VRK3: variants seen among roughly 807,000 people sequenced by gnomAD.
VRK3 encodes VRK serine/threonine kinase 3, also known as serine/threonine-protein kinase VRK3.
A neutral mutation model predicts 60.4 loss-of-function variants in VRK3; 50 were observed. That is an observed-to-expected ratio of 0.83 (90% CI 0.66 to 1.05). The LOEUF (loss-of-function observed/expected upper bound fraction) is 1.05, where lower values mean the gene tolerates loss of function less well. VRK3 is among the 50% of genes least tolerant of loss of function. The probability of loss-of-function intolerance (pLI) is 0.00; values close to 1 mark genes in which losing one functional copy is unlikely to be tolerated. For synonymous variants in VRK3, 246 were observed against 227.8 expected (o/e 1.08, Z -0.72); for missense variants, 549 against 585.3 (o/e 0.94, Z 0.64).
chr19:50,001,495 C>T (rs1460966103), intron 5 of VRK3: 1 of 152,374 alleles, frequency 6.6e-6, no homozygotes, highest in East Asian at 1.9e-4. Flanking sequence ...ACTTTTGCTC[C>T]AGAGCCCTGC....
intron 5 of VRK3, among the ~76,000 whole-genome samples, chr19:50,005,855 A>C (rs1026714441): frequency 1.3e-5 from 2 of 149,762 alleles, no homozygotes; most frequent in Admixed American, 1.3e-4. Context: ...AGTGGCTGCC[A>C]GTGGACTGGG....
chr19:49,997,553 G>C lies in VRK3; in HGVS notation c.630C>G (p.Arg210=). Residue 210 remains arginine (R), a synonymous_variant, in exon 7 of 15, where the codon CGC becomes CGG. Coordinates refer to ENST00000316763, the MANE Select transcript of VRK3 (RefSeq NM_016440.4). ...GGAAGAAGTTCTGCTCATTGAACAA[G>C]CGCCCATCCTTGGCATCCTGGTGGG... ...FSLKLDAKDG[R]LFNEQNFFQR... 6.2e-7 allele frequency: 1 copy of C among 1,613,924 alleles called. No homozygotes were observed. The highest frequency in any genetic ancestry group is 8.5e-7 in the Non-Finnish European group (1 of 1,179,876).
At chr19:50,006,543 T>G (rs1262497460) in intron 5 of VRK3, among the ~76,000 whole-genome samples, 1 of 151,762 alleles carries the variant, frequency 6.6e-6, no homozygotes, top group Non-Finnish European at 1.5e-5. Context: ...ACCCGGCTAA[T>G]TTTTTGTATT....
chr19:49,992,216 T>C (rs2076623803), intron 10 of VRK3, among the ~76,000 whole-genome samples: 2 of 152,222 alleles, frequency 1.3e-5, no homozygotes, highest in Admixed American at 1.3e-4. Flanking sequence ...GAGGCCAGCC[T>C]GACCAACATG....
intron 10 of VRK3, among the ~76,000 whole-genome samples, chr19:49,990,855 G>A (rs1015349366): frequency 2.6e-5 from 4 of 151,864 alleles, no homozygotes; most frequent in Non-Finnish European, 4.4e-5. Context: ...TATGATCATG[G>A]CTCACTGCAG....
intron 12 of VRK3, 188 bp downstream of exon 12, chr19:49,988,184 T>C: frequency 1.3e-6 from 1 of 785,462 alleles, no homozygotes; most frequent in East Asian, 3.8e-5. Flanking sequence ...CCAGGCAGTG[T>C]GGCTCCGGAA....
chr19:50,009,266 C>T lies in VRK3; in HGVS notation c.259G>A (p.Asp87Asn). 1 of 1,614,150 alleles carries T rather than the reference C, an allele frequency of 6.2e-7. No homozygotes were observed. The highest frequency in any genetic ancestry group is 8.5e-7 in the Non-Finnish European group (1 of 1,180,010). The change falls in exon 4 of 15, where the codon GAT becomes AAT. Residue 87 changes from aspartate to asparagine, a missense_variant. Asp to Asn is a conservative substitution (Grantham distance 23). Coordinates refer to ENST00000316763, the MANE Select transcript of VRK3 (RefSeq NM_016440.4). ...GATCTCTCAGAGGAACTCAGAGTAT[C>T]TTCAGACTCAGAACTGTCACCATCT... Reference protein sequence around the residue: ...FSDGDSSESEDTLSSSERSKG... With the variant: ...FSDGDSSESENTLSSSERSKG...
intron 9 of VRK3, among the ~76,000 whole-genome samples, chr19:49,993,847 A>G (rs2076654574): frequency 6.6e-6 from 1 of 151,748 alleles, no homozygotes; most frequent in Non-Finnish European, 1.5e-5. Context: ...GACCCTCCTC[A>G]GCCTTGTCCT....
intron 12 of VRK3, chr19:49,981,878 G>T: frequency 8.7e-7 from 1 of 1,152,138 alleles, no homozygotes; most frequent in Non-Finnish European, 1.1e-6. Context: ...ATTTTGAGGA[G>T]ATTTTAACTG....
intron 12 of VRK3, among the ~76,000 whole-genome samples, chr19:49,983,745 T>C (rs1040597212): frequency 3.3e-5 from 5 of 152,342 alleles, no homozygotes; most frequent in Non-Finnish European, 5.9e-5. Flanking sequence ...AAAAAGGCCA[T>C]GTATACCAGT....
rs553451828 is a variant in VRK3 at position 50,002,674 on chromosome 19, T to TG, written c.548-1821dup. Among the ~76,000 whole-genome samples, 202 of 152,292 alleles carry TG rather than the reference T, an allele frequency of 1.3e-3. 1 individual carries two copies. The highest frequency in any genetic ancestry group is 4.7e-3 in the African/African-American group (196 of 41,566). On this transcript the variant is annotated intron_variant, in intron 5 of 14. Coordinates refer to ENST00000316763, the MANE Select transcript of VRK3 (RefSeq NM_016440.4). ...GCAGCCAACAGCCTGGAAAGCTAGC[T>TG]GGGCAATTTTCATTGTAGAGGGAGC...
At chr19:50,016,237 C>A in intron 2 of VRK3, 74 bp from the exon 3 acceptor site, 4 of 1,584,656 alleles carry the variant, frequency 2.5e-6, no homozygotes, top group Non-Finnish European at 3.4e-6. Flanking sequence ...TTGAACTGCT[C>A]TTAATCACAG....
At chr19:50,017,311 G>A (rs1235193449) in intron 2 of VRK3, among the ~76,000 whole-genome samples, 1 of 150,832 alleles carries the variant, frequency 6.6e-6, no homozygotes, top group African/African-American at 2.4e-5. Context: ...ACGGTGGCTC[G>A]TGCCTGTAAT....
intron 13 of VRK3, 120 bp from the exon 14 acceptor site, chr19:49,979,362 A>G: frequency 3.6e-6 from 5 of 1,398,514 alleles, no homozygotes; most frequent in South Asian, 2.5e-5. Context: ...GGTCTCAGCA[A>G]AAGTGCCCAT....
At chr19:50,017,403 C>T (rs942841085) in intron 2 of VRK3, among the ~76,000 whole-genome samples, 2 of 150,648 alleles carry the variant, frequency 1.3e-5, no homozygotes, top group Non-Finnish European at 3.0e-5. Context: ...GGAGAAACCC[C>T]GTCTCTACTA....
rs148143216 is a variant in VRK3 at position 49,997,771 on chromosome 19, T to G, written c.613-201A>C. On this transcript the variant is annotated intron_variant, in intron 6 of 14. Coordinates refer to ENST00000316763, the MANE Select transcript of VRK3 (RefSeq NM_016440.4). ...CTTGCTGTACCCAGGTTCCTTTTCTTTCTCTTATGGTAAGAGCCACAGTGT... is the reference window on the plus strand; with the variant it reads ...CTTGCTGTACCCAGGTTCCTTTTCTGTCTCTTATGGTAAGAGCCACAGTGT... 7.0e-4 allele frequency: 378 copies of G among 540,664 alleles called. 1 individual carries two copies. The East Asian group carries it at 0.011, about 16-fold the overall frequency. The allele number at this position is 540,664 out of a possible 1,614,324, so 33.5% of individuals were successfully genotyped here.
chr19:49,982,282 C>T lies in VRK3; in HGVS notation c.1218-1269G>A, dbSNP rs116344649. ...ATAAAACACACGAATTATTAACCAT[C>T]TCAGGCTTTGGGACATCAGACAGCC... On this transcript the variant is annotated intron_variant, in intron 12 of 14. Coordinates refer to ENST00000316763, the MANE Select transcript of VRK3 (RefSeq NM_016440.4). The T allele has an allele frequency of 3.6e-3, 2,498 of 697,610 alleles. 38 individuals carry two copies. In the African/African-American group the frequency reaches 0.038, roughly 11 times the overall value. 43.2% of individuals were successfully genotyped at this position (697,610 alleles called of 1,614,324 possible).
chr19:50,000,766 C>T (rs1600690033), intron 6 of VRK3, 24 bp downstream of exon 6: 3 of 1,602,606 alleles, frequency 1.9e-6, no homozygotes, highest in Non-Finnish European at 2.6e-6. Context: ...CTCCAAGCTG[C>T]CCCCCACCTG....
rs2076675674 is a variant in VRK3 at position 49,994,939 on chromosome 19, C to G, written c.765-20G>C. The G allele has an allele frequency of 6.2e-7, 1 of 1,609,986 alleles. No homozygotes were observed. The highest frequency in any genetic ancestry group is 1.7e-5 in the Admixed American group (1 of 59,618). On this transcript the variant is annotated intron_variant, in intron 8 of 14. Transcript: ENST00000316763. Reference sequence around the variant, plus strand: ...AAGAACCTGGAAGACACAAGCACCCCAGGAGGTGGGAGATGAACAGGGGAG... The same window carrying G: ...AAGAACCTGGAAGACACAAGCACCCGAGGAGGTGGGAGATGAACAGGGGAG...
Sources: gnomAD v4.1 joint callset for allele counts (sites outside exome capture counted in the v4.1 genomes callset) on GRCh38, gnomAD v4.1.1 for gene constraint, MANE v1.5 for transcripts, NCBI Gene and HGNC (gene_info 2026-07-23, HGNC 2026-07-21) for gene names.